The following SPATA17 variants were observed in gnomAD, a reference collection of about 807,000 sequenced individuals.
SPATA17 encodes the protein spermatogenesis associated 17.
Under a neutral mutation model 62.2 loss-of-function variants are expected in SPATA17, and 53 were observed. That is an observed-to-expected ratio of 0.85 (90% CI 0.68 to 1.07). The LOEUF (loss-of-function observed/expected upper bound fraction) is 1.07, where lower values mean the gene tolerates loss of function less well. Ranked by LOEUF, SPATA17 falls within the 50% of genes least tolerant of loss-of-function variation. SPATA17 has a pLI of 0.00. For missense variants in SPATA17, 466 were observed against 425.5 expected, an observed-to-expected ratio of 1.10 and a Z score of -0.84; for synonymous variants, 146 against 146.8, an observed-to-expected ratio of 0.99 and a Z score of 0.04.
intron 3 of SPATA17, among the ~76,000 whole-genome samples, chr1:217,667,994 T>G (rs2102896040): frequency 6.6e-6 from 1 of 152,356 alleles, no homozygotes; most frequent in Non-Finnish European, 1.5e-5. Flanking sequence ...ACCAGGCAAT[T>G]CAAACAACAC....
intron 10 of SPATA17, 108 bp downstream of exon 10, chr1:217,862,964 A>C: frequency 1.6e-6 from 1 of 612,722 alleles, no homozygotes. Flanking sequence ...TGCTATAATA[A>C]TATTTTATGT....
chr1:217,669,988 G>A (rs1048339840), intron 4 of SPATA17, among the ~76,000 whole-genome samples: 1 of 152,028 alleles, frequency 6.6e-6, no homozygotes, highest in Admixed American at 6.6e-5. Flanking sequence ...GGAGTTTGAG[G>A]AAAAATATAA....
intron 5 of SPATA17, among the ~76,000 whole-genome samples, chr1:217,733,143 G>A (rs1053745938): frequency 1.3e-5 from 2 of 152,078 alleles, no homozygotes; most frequent in African/African-American, 4.8e-5. Context: ...TAAAGTCATG[G>A]TATTGTAATT....
chr1:217,716,985 G>A (rs1039550127), intron 5 of SPATA17, among the ~76,000 whole-genome samples: 1 of 152,202 alleles, frequency 6.6e-6, no homozygotes, highest in Admixed American at 6.5e-5. Context: ...CAAAATAATG[G>A]CGGATCTAGA....
chr1:217,635,498 G>A (rs890819923), intron 1 of SPATA17, among the ~76,000 whole-genome samples: 4 of 152,094 alleles, frequency 2.6e-5, no homozygotes, highest in Non-Finnish European at 5.9e-5. Context: ...GAGGTCAGGA[G>A]TTCCAGACCA....
chr1:217,814,515 A>C (rs570614147), intron 9 of SPATA17, among the ~76,000 whole-genome samples: 1 of 152,102 alleles, frequency 6.6e-6, no homozygotes, highest in Non-Finnish European at 1.5e-5. Context: ...TTTAGTCCCA[A>C]TGTGATCCCT....
intron 9 of SPATA17, among the ~76,000 whole-genome samples, chr1:217,811,344 A>G (rs1299746451): frequency 6.6e-6 from 1 of 152,140 alleles, no homozygotes; most frequent in African/African-American, 2.4e-5. Flanking sequence ...GGTATTCTTT[A>G]AATCATAATA....
rs1380564055 is a variant in SPATA17 at position 217,648,971 on chromosome 1, G to T, written c.158G>T (p.Arg53Met). 2 of 1,596,092 alleles carry T rather than the reference G, an allele frequency of 1.3e-6. No individual in the cohort carries two copies. Among genetic ancestry groups the T allele is most frequent in the Admixed American group, 3.5e-5 (2 of 56,580 alleles). The change falls in exon 2 of 11, where the codon AGG (arginine) becomes ATG (methionine). Residue 53 changes from arginine (R) to methionine (M), a missense_variant and splice_region_variant. By Grantham distance (91) the Arg-to-Met change is moderately conservative. Transcript: ENST00000366933. ...FRGCQVRAYI[R>M]HLNRIVTIIQ... The stretch of plus-strand genomic sequence containing the variant: ...GGATGTCAAGTTCGGGCATATATCA[G>T]GTATATTGCTTTTGTCATGGAAACC...
At chr1:217,817,228 C>T (rs1674739609) in intron 9 of SPATA17, among the ~76,000 whole-genome samples, 1 of 152,026 alleles carries the variant, frequency 6.6e-6, no homozygotes, top group Admixed American at 6.6e-5. Context: ...GGCTATGTCT[C>T]CGCCCAAATC....
Position 217,774,362 on chromosome 1 carries a change from G to T in SPATA17, c.548G>T (p.Arg183Ile), listed in dbSNP as rs959371311. 4 of 1,613,890 alleles carry T rather than the reference G, an allele frequency of 2.5e-6. No homozygotes were observed. The highest frequency in any genetic ancestry group is 1.3e-5 in the African/African-American group (1 of 74,996). ...CCAGGAATATACAATTCACCCTTCAGAAAAGAGCCTGATCCATGGGAGCTG... is the reference window on the plus strand; with the variant it reads ...CCAGGAATATACAATTCACCCTTCATAAAAGAGCCTGATCCATGGGAGCTG... ...QIPGIYNSPF[R>I]KEPDPWELQL... The change falls in exon 7 of 11, where the codon AGA becomes ATA. Residue 183 changes from arginine (R) to isoleucine (I), a missense_variant. Coordinates refer to ENST00000366933, the MANE Select transcript of SPATA17 (RefSeq NM_138796.4).
intron 8 of SPATA17, among the ~76,000 whole-genome samples, chr1:217,794,102 C>G (rs1343745187): frequency 7.4e-6 from 1 of 135,828 alleles, no homozygotes; most frequent in South Asian, 2.2e-4. Context: ...GGTAACAGAG[C>G]GAGACTCCGT....
intron 1 of SPATA17, among the ~76,000 whole-genome samples, chr1:217,643,285 G>T (rs1418145111): frequency 6.6e-6 from 1 of 151,974 alleles, no homozygotes; most frequent in Non-Finnish European, 1.5e-5. Context: ...CACCACAACT[G>T]CCTCTTCTCT....
intron 9 of SPATA17, among the ~76,000 whole-genome samples, chr1:217,859,100 G>C (rs1291134883): frequency 6.8e-6 from 1 of 145,992 alleles, no homozygotes; most frequent in Non-Finnish European, 1.5e-5. Flanking sequence ...ATTATATAGA[G>C]AGAAATGTTT....
intron 5 of SPATA17, among the ~76,000 whole-genome samples, chr1:217,707,077 G>A (rs936800806): frequency 6.6e-5 from 10 of 152,106 alleles, no homozygotes; most frequent in East Asian, 1.9e-4. Flanking sequence ...GTATTGGTCC[G>A]GCTTGTCTTG....
At chr1:217,866,801 C>T (rs912052658) in intron 10 of SPATA17, 16 of 149,498 alleles carry the variant, frequency 1.1e-4, no homozygotes, top group African/African-American at 3.9e-4. Context: ...GAGAGGAAGA[C>T]TTAAATAGAG....
Position 217,724,474 on chromosome 1 carries a change from G to A in SPATA17, c.396-17501G>A, listed in dbSNP as rs147323281. Among the ~76,000 whole-genome samples the A allele has an allele frequency of 9.8e-3, 1,495 of 152,206 alleles. 24 individuals carry two copies. The highest frequency in any genetic ancestry group is 0.034 in the African/African-American group (1,423 of 41,522). ...TTGGTGGCACATGCCTGTAGTCCCA[G>A]CTACTCAGGAGGCTGAGGCAGGAGA... On this transcript the variant is annotated intron_variant, in intron 5 of 10. Transcript: ENST00000366933.
At chr1:217,644,252 TA>T (rs1670132230) in intron 1 of SPATA17, among the ~76,000 whole-genome samples, 1 of 152,226 alleles carries the variant, frequency 6.6e-6, no homozygotes, top group South Asian at 2.1e-4. Flanking sequence ...GTTCTAGTTC[TA>T]AAATATAGTC....
Position 217,749,943 on chromosome 1 carries a change from T to TTCTC in SPATA17, c.519+7885_519+7888dup, listed in dbSNP as rs1188300100. Reference sequence around the variant, plus strand: ...TATCCTAGAGAAATTTGTCATAAGATTCTCTCTCTCTCTCTCTCTCTCTCT... The same window carrying TTCTC: ...TATCCTAGAGAAATTTGTCATAAGATTCTCTCTCTCTCTCTCTCTCTCTCTCTCT... On this transcript the variant is annotated intron_variant, in intron 6 of 10. Coordinates refer to ENST00000366933, the MANE Select transcript of SPATA17 (RefSeq NM_138796.4). 2.9e-3 allele frequency among the ~76,000 whole-genome samples: 120 copies of TTCTC among 41,428 alleles called. 8 individuals carry two copies. The highest frequency in any genetic ancestry group is 0.019 in the Middle Eastern group (1 of 54). The allele number at this position is 41,428 out of a possible 152,430, so 27.2% of individuals were successfully genotyped here.
chr1:217,702,350 C>CT (rs1266990804), intron 5 of SPATA17, among the ~76,000 whole-genome samples: 1 of 152,060 alleles, frequency 6.6e-6, no homozygotes, highest in African/African-American at 2.4e-5. Flanking sequence ...CTTGAATCAT[C>CT]TTTTTTGTTG....
Sources: allele counts gnomAD v4.1 joint callset (sites outside exome capture counted in the v4.1 genomes callset), GRCh38; gene constraint gnomAD v4.1.1; transcripts MANE v1.5; gene names NCBI Gene and HGNC (gene_info 2026-07-23, HGNC 2026-07-21).